SCFD2: variants seen among roughly 807,000 people sequenced by gnomAD.
SCFD2 encodes sec1 family domain containing 2.
SCFD2 carries 54 observed loss-of-function variants against 58.9 expected under a neutral mutation model. That is an observed-to-expected ratio of 0.92 (90% CI 0.74 to 1.15). SCFD2 has a LOEUF of 1.15. Ranked by LOEUF, SCFD2 falls within the 50% of genes most tolerant of loss-of-function variation. The probability of loss-of-function intolerance (pLI) is 0.00; values close to 1 mark genes in which losing one functional copy is unlikely to be tolerated. For synonymous variants in SCFD2, 321 were observed against 335.9 expected (o/e 0.96, Z 0.49); for missense variants, 805 against 836.6 (o/e 0.96, Z 0.47).
At chr4:53,264,827 A>G (rs1173099293) in intron 4 of SCFD2, among the ~76,000 whole-genome samples, 26 of 152,248 alleles carry the variant, frequency 1.7e-4, no homozygotes, top group Non-Finnish European at 3.8e-4. Flanking sequence ...AATCCTACCT[A>G]TTAAAAACTA....
intron 5 of SCFD2, among the ~76,000 whole-genome samples, chr4:53,038,613 G>A (rs988438749): frequency 6.6e-6 from 1 of 151,828 alleles, no homozygotes; most frequent in Admixed American, 6.6e-5. Flanking sequence ...TTTACTCTAA[G>A]TATAAAACGA....
chr4:53,334,053 A>G (rs1452349262), intron 2 of SCFD2, among the ~76,000 whole-genome samples: 3 of 152,176 alleles, frequency 2.0e-5, no homozygotes, highest in Non-Finnish European at 2.9e-5. Context: ...ACAATGAGAT[A>G]CCATCTCACA....
At chr4:53,086,523 C>T (rs1466760280) in intron 5 of SCFD2, among the ~76,000 whole-genome samples, 4 of 152,196 alleles carry the variant, frequency 2.6e-5, no homozygotes, top group Non-Finnish European at 5.9e-5. Context: ...AGCAATCTCA[C>T]TGCTGGGTGT....
chr4:53,214,992 G>A (rs1320285774), intron 4 of SCFD2, among the ~76,000 whole-genome samples: 1 of 152,068 alleles, frequency 6.6e-6, no homozygotes, highest in East Asian at 1.9e-4. Context: ...TGAGGGCTCT[G>A]TTCTGTTCCA....
chr4:53,122,694 A>C (rs977274682), intron 5 of SCFD2, among the ~76,000 whole-genome samples: 2 of 152,200 alleles, frequency 1.3e-5, no homozygotes, highest in African/African-American at 4.8e-5. Flanking sequence ...ATGTCACATA[A>C]GTCAGTTCAC....
chr4:53,152,094 T>G (rs555054964), intron 4 of SCFD2, among the ~76,000 whole-genome samples: 8 of 152,356 alleles, frequency 5.3e-5, no homozygotes, highest in Admixed American at 4.6e-4. Context: ...TCGTTTTGTA[T>G]TATTATTTTT....
At position 53,313,734 on chromosome 4, in the gene SCFD2, G is replaced by T; in HGVS notation, c.1037C>A (p.Ala346Asp). 1 of 1,614,042 alleles carries T rather than the reference G, an allele frequency of 6.2e-7. No individual in the cohort carries two copies. The highest frequency in any genetic ancestry group is 8.5e-7 in the Non-Finnish European group (1 of 1,179,920). Residue 346 changes from alanine to aspartate, a missense_variant, in exon 3 of 9, where the codon GCT (alanine) becomes GAT (aspartate). By Grantham distance (126) the Ala-to-Asp change is moderately radical (BLOSUM62 -2). Around this residue, in one of 3 missense-constraint regions of SCFD2, gnomAD observed 633 missense variants for 646.8 expected, o/e 0.98. Transcript: ENST00000401642. ...CTCTTTGTGCTTAGTGTTCAGTAAAGCTTCCCATAGGGCTTTGGCTGTGGT... is the reference window on the plus strand; with the variant it reads ...CTCTTTGTGCTTAGTGTTCAGTAAATCTTCCCATAGGGCTTTGGCTGTGGT... ...SDTTAKALWE[A>D]LLNTKHKEAV...
chr4:53,250,362 A>G (rs1226671173), intron 4 of SCFD2, among the ~76,000 whole-genome samples: 3 of 152,196 alleles, frequency 2.0e-5, no homozygotes, highest in Non-Finnish European at 4.4e-5. Flanking sequence ...GGAGACTTTA[A>G]CACCCCACTG....
At chr4:53,237,736 C>T (rs1232821726) in intron 4 of SCFD2, among the ~76,000 whole-genome samples, 7 of 114,370 alleles carry the variant, frequency 6.1e-5, no homozygotes, top group African/African-American at 1.4e-4. Flanking sequence ...AGGCGCCCCT[C>T]ACCTCCCGGA....
chr4:53,228,776 T>C (rs934732574), intron 4 of SCFD2, among the ~76,000 whole-genome samples: 1 of 152,134 alleles, frequency 6.6e-6, no homozygotes, highest in Non-Finnish European at 1.5e-5. Context: ...GTCAGGGCAA[T>C]CAGGCAGGAG....
intron 5 of SCFD2, among the ~76,000 whole-genome samples, chr4:53,010,256 C>T (rs772193658): frequency 2.2e-4 from 34 of 152,192 alleles, no homozygotes; most frequent in Admixed American, 3.3e-4. Flanking sequence ...CTGACAGCTT[C>T]GCAATTACTC....
chr4:53,215,756 C>T (rs559957401), intron 4 of SCFD2, among the ~76,000 whole-genome samples: 3 of 152,168 alleles, frequency 2.0e-5, no homozygotes, highest in East Asian at 3.9e-4. Context: ...AGTTTTTGCC[C>T]ATTCAGTATG....
At chr4:53,135,511 G>A (rs890216640) in intron 5 of SCFD2, among the ~76,000 whole-genome samples, 7 of 152,044 alleles carry the variant, frequency 4.6e-5, no homozygotes, top group African/African-American at 7.2e-5. Flanking sequence ...CGAGGTGGGC[G>A]GATCACAAGG....
intron 4 of SCFD2, among the ~76,000 whole-genome samples, chr4:53,190,283 G>C (rs1263632940): frequency 6.6e-6 from 1 of 152,138 alleles, no homozygotes; most frequent in African/African-American, 2.4e-5. Context: ...TGTGTGTTTT[G>C]TGTATGTGTC....
chr4:53,131,718 A>C (rs1405138054), intron 5 of SCFD2, among the ~76,000 whole-genome samples: 2 of 152,224 alleles, frequency 1.3e-5, no homozygotes, highest in African/African-American at 4.8e-5. Flanking sequence ...CTTAGGAGTG[A>C]AAATTCGGCC....
rs542636236 is a variant in SCFD2 at position 53,163,633 on chromosome 4, G to T, written c.1312-18051C>A. On this transcript the variant is annotated intron_variant, in intron 4 of 8. Transcript: ENST00000401642. ...CTGTAATCGCAGCTACTCAGGATGAGGCAGGAGAATTGCTTGAATCCAGGA... is the reference window on the plus strand; with the variant it reads ...CTGTAATCGCAGCTACTCAGGATGATGCAGGAGAATTGCTTGAATCCAGGA... 1.4e-4 allele frequency among the ~76,000 whole-genome samples: 21 copies of T among 152,278 alleles called. No individual in the cohort carries two copies. The South Asian group carries it at 2.9e-3, about 21-fold the overall frequency.
intron 5 of SCFD2, among the ~76,000 whole-genome samples, chr4:53,038,481 T>G (rs1722817667): frequency 6.6e-6 from 1 of 152,126 alleles, no homozygotes; most frequent in Non-Finnish European, 1.5e-5. Context: ...CACAGAAGAG[T>G]TTGTTTTAAA....
chr4:53,255,207 T>TTATTTATTTATTTATA (rs1387101907), intron 4 of SCFD2, among the ~76,000 whole-genome samples: 1 of 149,812 alleles, frequency 6.7e-6, no homozygotes, highest in African/African-American at 2.4e-5. Context: ...TTTTATTTAT[T>TTATTTATTTATTTATA]TATTTATTTA....
intron 6 of SCFD2, among the ~76,000 whole-genome samples, chr4:52,918,489 T>G (rs1256542694): frequency 6.6e-6 from 1 of 152,156 alleles, no homozygotes; most frequent in Non-Finnish European, 1.5e-5. Flanking sequence ...TATTTTAAAT[T>G]TGAAAAACAC....
Sources: allele counts gnomAD v4.1 joint callset (sites outside exome capture counted in the v4.1 genomes callset), GRCh38; gene constraint gnomAD v4.1.1; regional missense constraint gnomAD v4.1.1; transcripts MANE v1.5; gene names NCBI Gene and HGNC (gene_info 2026-07-23, HGNC 2026-07-21).